BCAR1: variants seen among roughly 807,000 people sequenced by gnomAD.
BCAR1 encodes the protein breast cancer anti-estrogen resistance protein 1.
Under a neutral mutation model 67.6 loss-of-function variants are expected in BCAR1, and 30 were observed. The observed-to-expected ratio is 0.44, with a 90% CI of 0.33 to 0.60. The LOEUF is 0.60. BCAR1 is among the 20% of genes least tolerant of loss of function. The pLI is 0.02. For missense variants in BCAR1, 1,313 were observed against 1,222.3 expected (o/e 1.07, Z -1.11); for synonymous variants, 626 against 556.7 (o/e 1.12, Z -1.75).
In BCAR1 at chr16:75,236,934, T is replaced by C. The variant is rs1437454366; in HGVS notation, c.860A>G (p.Tyr287Cys). Residue 287 changes from tyrosine to cysteine, a missense_variant, in exon 4 of 7, where the codon TAT becomes TGT. Coordinates refer to ENST00000162330, the MANE Select transcript of BCAR1 (RefSeq NM_014567.5). ...PNGRDPLLEV[Y>C]DVPPSVEKGL... ...CTTCTCCACACTGGGGGGCACGTCA[T>C]ACACCTCCAGCAACGGGTCTCGGCC... The C allele has an allele frequency of 4.3e-6, 7 of 1,612,730 alleles. No homozygotes were observed. The highest frequency in any genetic ancestry group is 1.7e-5 in the Admixed American group (1 of 59,970).
At chr16:75,236,830 A>G in intron 4 of BCAR1, 52 bp downstream of exon 4, 2 of 1,590,470 alleles carry the variant, frequency 1.3e-6, no homozygotes, top group Non-Finnish European at 1.7e-6. Context: ...GCACACACCC[A>G]GACACCCCAC....
chr16:75,239,382 C>T (rs910225075), intron 2 of BCAR1, among the ~76,000 whole-genome samples: 3 of 152,152 alleles, frequency 2.0e-5, no homozygotes, highest in African/African-American at 4.8e-5. Context: ...GGTGCACGCA[C>T]AGAACCCAGG....
chr16:75,243,565 A>G (rs1170347327), intron 1 of BCAR1: 1 of 465,968 alleles, frequency 2.1e-6, no homozygotes, highest in Non-Finnish European at 4.3e-6. Flanking sequence ...AGCTTCCTTA[A>G]CAAAGTCTAT....
chr16:75,251,337 T>C, intron 1 of BCAR1, 134 bp downstream of exon 1: 1 of 1,262,474 alleles, frequency 7.9e-7, no homozygotes, highest in Non-Finnish European at 1.0e-6. Context: ...CAGAAGGAGA[T>C]CCCAGGGCCG....
At chr16:75,265,716 C>A (rs1390983856) in intron 1 of BCAR1, 7 of 1,160,068 alleles carry the variant, frequency 6.0e-6, no homozygotes, top group Non-Finnish European at 7.5e-6. Flanking sequence ...CCCAGTGAGG[C>A]GACCCCCAGT....
At chr16:75,248,998 C>G (rs1471439495) in intron 1 of BCAR1, 1 of 152,392 alleles carries the variant, frequency 6.6e-6, no homozygotes, top group East Asian at 1.9e-4. Context: ...CCAGCCAGGG[C>G]ATCCCAGGCA....
chr16:75,236,237 C>T (rs903153171), intron 4 of BCAR1: 16 of 543,626 alleles, frequency 2.9e-5, no homozygotes, highest in African/African-American at 5.9e-5. Context: ...TGGGACGAGC[C>T]GGCTCTGGAG....
chr16:75,231,525 C>A (rs1373879398), intron 6 of BCAR1, among the ~76,000 whole-genome samples: 2 of 152,238 alleles, frequency 1.3e-5, no homozygotes, highest in Admixed American at 6.5e-5. Context: ...AATGGGGCAA[C>A]AGATGTTCTC....
intron 1 of BCAR1, chr16:75,266,092 C>T: frequency 1.0e-6 from 1 of 976,098 alleles, no homozygotes; most frequent in Non-Finnish European, 1.2e-6. Flanking sequence ...CTTTTTCTGT[C>T]GGCCCAACGC....
chr16:75,262,457 C>T (rs1002691934), intron 1 of BCAR1, among the ~76,000 whole-genome samples: 2 of 152,206 alleles, frequency 1.3e-5, no homozygotes, highest in African/African-American at 4.8e-5. Flanking sequence ...ATGGGAATGA[C>T]CTGGTGAACG....
intron 1 of BCAR1, chr16:75,247,821 A>G: frequency 1.8e-6 from 1 of 565,074 alleles, no homozygotes; most frequent in Non-Finnish European, 3.2e-6. Flanking sequence ...ATATGACCTC[A>G]GCACCCGCAA....
At chr16:75,266,000 C>T (rs1567629071) in intron 1 of BCAR1, 4 of 1,039,304 alleles carry the variant, frequency 3.8e-6, no homozygotes, top group Non-Finnish European at 4.6e-6. Context: ...TCCAGCCGCG[C>T]CGCGCATGCG....
chr16:75,242,923 G>A lies in BCAR1; in HGVS notation c.180C>T (p.Leu60=). 1 of 1,612,776 alleles carries A rather than the reference G, an allele frequency of 6.2e-7. No individual in the cohort carries two copies. The highest frequency in any genetic ancestry group is 8.5e-7 in the Non-Finnish European group (1 of 1,179,806). ...GRQGIVPGNR[L]KILVGMYDKK... The stretch of plus-strand genomic sequence containing the variant: ...TATCATACATGCCCACCAAGATCTT[G>A]AGGCGGTTCCCAGGCACGATGCCCT... Residue 60 remains leucine, a synonymous_variant, in exon 2 of 7, where the codon CTC becomes CTT. Transcript: ENST00000162330.
intron 2 of BCAR1, among the ~76,000 whole-genome samples, chr16:75,241,108 G>A (rs1322971104): frequency 6.6e-6 from 1 of 152,252 alleles, no homozygotes; most frequent in African/African-American, 2.4e-5. Flanking sequence ...GTGGGATACT[G>A]GTGGGTGCAC....
At chr16:75,230,193 T>TGGCAAG (rs2076852222) in intron 6 of BCAR1, among the ~76,000 whole-genome samples, 170 bp from the exon 7 acceptor site, 1 of 152,186 alleles carries the variant, frequency 6.6e-6, no homozygotes, top group South Asian at 2.1e-4. Context: ...CCAGGAACCA[T>TGGCAAG]GGCAAGCCTT....
intron 5 of BCAR1, among the ~76,000 whole-genome samples, chr16:75,234,231 G>GC (rs556704174): frequency 1.3e-5 from 2 of 148,698 alleles, no homozygotes; most frequent in Non-Finnish European, 3.0e-5. Flanking sequence ...GTGGGACACA[G>GC]CCCCCCCAGG....
At chr16:75,231,088 C>A in intron 6 of BCAR1, among the ~76,000 whole-genome samples, 1 of 151,206 alleles carries the variant, frequency 6.6e-6, no homozygotes, top group Non-Finnish European at 1.5e-5. Context: ...GATCTGTCAC[C>A]CAGGCTAATC....
intron 1 of BCAR1, chr16:75,264,497 G>A: frequency 6.9e-7 from 1 of 1,440,632 alleles, no homozygotes; most frequent in Non-Finnish European, 9.1e-7. Flanking sequence ...GGCTTGGCAG[G>A]CATGTTCTGT....
intron 2 of BCAR1, among the ~76,000 whole-genome samples, chr16:75,239,895 C>T (rs991019303): frequency 9.9e-5 from 15 of 152,226 alleles, no homozygotes; most frequent in Admixed American, 1.3e-4. Context: ...ACGTGCACGC[C>T]TGACCTCACG....
Sources: gnomAD v4.1 joint callset for allele counts (sites outside exome capture counted in the v4.1 genomes callset) on GRCh38, gnomAD v4.1.1 for gene constraint, MANE v1.5 for transcripts, NCBI Gene and HGNC (gene_info 2026-07-23, HGNC 2026-07-21) for gene names.